The following SYT7 variants were observed in gnomAD, a reference collection of about 807,000 sequenced individuals.
SYT7 encodes synaptotagmin-7.
In SYT7, 29 loss-of-function variants were observed where a neutral mutation model predicts 75.1. The observed-to-expected ratio is 0.39, with a 90% confidence interval of 0.29 to 0.53. The LOEUF (loss-of-function observed/expected upper bound fraction) is 0.53, where lower values mean the gene tolerates loss of function less well. Among genes scored for constraint, SYT7 ranks in the 20% least tolerant of loss-of-function variants. The pLI is 0.77. For missense variants in SYT7, 693 were observed against 953.2 expected (o/e 0.73, Z 3.59); for synonymous variants, 376 against 401.7 (o/e 0.94, Z 0.76).
Position 61,523,235 on chromosome 11 carries a change from C to T in SYT7, c.1796G>A (p.Arg599Gln), listed in dbSNP as rs769497551. ...VKVWLMYKDKRVEKKKTVTMK... is the reference protein window; with the variant it reads ...VKVWLMYKDKQVEKKKTVTMK... The stretch of plus-strand genomic sequence containing the variant: ...CGTCACCGTCTTCTTCTTCTCCACC[C>T]GCTTGTCCTTGTACATCAGCCATAC... The change falls in exon 12 of 13, where the codon CGG becomes CAG. Residue 599 changes from arginine to glutamine, a missense_variant. Transcript: ENST00000539008. The surrounding 1 kb of genome is among the most constrained non-coding windows in gnomAD (Gnocchi z 5.0). 76 of 1,614,042 alleles carry T rather than the reference C, an allele frequency of 4.7e-5. No homozygotes were observed. The highest frequency in any genetic ancestry group is 1.6e-4 in the Middle Eastern group (1 of 6,084).
In SYT7 at chr11:61,514,221, G is replaced by T. The variant is rs2062105710; in HGVS notation, c.*4406C>A. On this transcript the variant is annotated 3_prime_UTR_variant, in exon 13 of 13. Coordinates refer to ENST00000539008, the MANE Select transcript of SYT7 (RefSeq NM_001365809.2). ...CTGACTTCAGGCTCAGTTTTCCAGG[G>T]CTGCTTTCATGGAGAGCGCCTGAAC... 6.6e-6 allele frequency among the ~76,000 whole-genome samples: 1 copy of T among 152,240 alleles called. No individual in the cohort carries two copies. The highest frequency in any genetic ancestry group is 6.5e-5 in the Admixed American group (1 of 15,288).
intron 12 of SYT7, among the ~76,000 whole-genome samples, chr11:61,520,599 C>T (rs993078909): frequency 6.6e-6 from 1 of 151,172 alleles, no homozygotes; most frequent in Non-Finnish European, 1.5e-5. Flanking sequence ...CCAAGGCGGG[C>T]GGATTGCTTG....
chr11:61,561,351 G>A (rs187055710), intron 1 of SYT7, among the ~76,000 whole-genome samples: 28 of 152,352 alleles, frequency 1.8e-4, no homozygotes, highest in African/African-American at 5.8e-4. Flanking sequence ...TCTTGGGAGT[G>A]AGGTATGAGC....
At chr11:61,568,253 A>G (rs1182967913) in intron 1 of SYT7, among the ~76,000 whole-genome samples, 1 of 152,196 alleles carries the variant, frequency 6.6e-6, no homozygotes, top group African/African-American at 2.4e-5. Flanking sequence ...GCTGCTTGAT[A>G]TGAACCTTAC....
intron 3 of SYT7, 65 bp from the exon 4 acceptor site, chr11:61,547,373 C>A (rs2063220511): frequency 2.0e-6 from 3 of 1,521,880 alleles, no homozygotes; most frequent in African/African-American, 1.4e-5. Flanking sequence ...ACTGCAAGTC[C>A]TGCGGGGGCA....
upstream of SYT7, among the ~76,000 whole-genome samples, chr11:61,582,514 CACACACAT>C (rs1357669269): frequency 6.6e-6 from 1 of 152,188 alleles, no homozygotes; most frequent in East Asian, 1.9e-4. Flanking sequence ...AACCACCACA[CACACACAT>C]ACACACATAC....
At position 61,533,698 on chromosome 11, in the gene SYT7, T is replaced by C. The variant is rs566391056; in HGVS notation, c.1065-574A>G. 1.1e-5 allele frequency: 11 copies of C among 983,404 alleles called. No individual in the cohort carries two copies. In the South Asian group the frequency reaches 1.4e-4, roughly 13 times the overall value. 60.9% of individuals were successfully genotyped at this position (983,404 alleles called of 1,614,324 possible). The stretch of plus-strand genomic sequence containing the variant: ...AGGACAACTCTCCACAGTGACAGAG[T>C]GTTCTGTATTTGTGCTGTCCAGTGG... On this transcript the variant is annotated intron_variant, in intron 7 of 12. Transcript: ENST00000539008.
intron 1 of SYT7, among the ~76,000 whole-genome samples, chr11:61,566,663 G>T (rs1485724912): frequency 6.6e-6 from 1 of 152,156 alleles, no homozygotes; most frequent in Non-Finnish European, 1.5e-5. Flanking sequence ...CTCTTCACCG[G>T]GAATGCGGAG....
intron 1 of SYT7, among the ~76,000 whole-genome samples, chr11:61,566,240 T>C (rs960625617): frequency 2.0e-5 from 3 of 152,244 alleles, no homozygotes; most frequent in Non-Finnish European, 2.9e-5. Flanking sequence ...TTGAATTTAA[T>C]GGAGGTGATG....
the SYT7 span, among the ~76,000 whole-genome samples, chr11:61,586,558 G>C: frequency 1.3e-5 from 2 of 152,222 alleles, no homozygotes; most frequent in Non-Finnish European, 2.9e-5. Context: ...TTGGACCCCT[G>C]TGAAAATCTA....
intron 7 of SYT7, chr11:61,533,665 G>C: frequency 2.0e-6 from 2 of 985,426 alleles, no homozygotes; most frequent in Non-Finnish European, 2.4e-6. Flanking sequence ...GACTGACCAG[G>C]TGAGGTCAGG....
chr11:61,524,071 A>C lies in SYT7; in HGVS notation c.1642-130T>G. The C allele has an allele frequency of 1.2e-6, 1 of 862,732 alleles. No individual in the cohort carries two copies. Among genetic ancestry groups the C allele is most frequent in the Non-Finnish European group, 1.8e-6 (1 of 540,634 alleles). The allele number at this position is 862,732 out of a possible 1,614,324, so 53.4% of individuals were successfully genotyped here. A position where few individuals can be genotyped will look rare whatever the true frequency, so the allele number is the denominator to read the frequency against. ...TGCCCCTGTCTGTCACCTCTGTCTCACTCTGTCTCCCCCCATCTGGCAGGT... is the reference window on the plus strand; with the variant it reads ...TGCCCCTGTCTGTCACCTCTGTCTCCCTCTGTCTCCCCCCATCTGGCAGGT... On this transcript the variant is annotated intron_variant, in intron 10 of 12. Coordinates refer to ENST00000539008, the MANE Select transcript of SYT7 (RefSeq NM_001365809.2). This position sits in a 1 kb window ranked among gnomAD's most constrained non-coding sequence, Gnocchi z 4.1.
chr11:61,557,465 G>A (rs558414351), intron 1 of SYT7, among the ~76,000 whole-genome samples: 2 of 152,232 alleles, frequency 1.3e-5, no homozygotes, highest in East Asian at 3.9e-4. Context: ...TCACCCTCAG[G>A]GATGACTCTC....
chr11:61,579,418 G>A (rs186896713), intron 1 of SYT7, among the ~76,000 whole-genome samples: 3 of 152,342 alleles, frequency 2.0e-5, no homozygotes, highest in East Asian at 3.9e-4. Context: ...AGAGAAGGGC[G>A]CAAGGTTCCA....
intron 1 of SYT7, among the ~76,000 whole-genome samples, chr11:61,557,301 G>C (rs1565198255): frequency 6.6e-6 from 1 of 152,246 alleles, no homozygotes; most frequent in Non-Finnish European, 1.5e-5. Context: ...ATTTACAGAG[G>C]AGCCTGCGTG....
Position 61,551,614 on chromosome 11 carries a change from G to T in SYT7, c.136-151C>A. 2.6e-6 allele frequency: 2 copies of T among 757,624 alleles called. No homozygotes were observed. The highest frequency in any genetic ancestry group is 2.5e-5 in the Admixed American group (1 of 40,118). 46.9% of individuals were successfully genotyped at this position (757,624 alleles called of 1,614,324 possible). A position where few individuals can be genotyped will look rare whatever the true frequency, so the allele number is the denominator to read the frequency against. On this transcript the variant is annotated intron_variant, in intron 2 of 12. Coordinates refer to ENST00000539008, the MANE Select transcript of SYT7 (RefSeq NM_001365809.2). The surrounding 1 kb of genome is among the most constrained non-coding windows in gnomAD (Gnocchi z 5.3). ...GTGTGCGAGGCTGTCACCGCGGTGG[G>T]GGCCAATCCCCTGGATGCCTGCTCC...
rs1015579897 is a variant in SYT7, at chr11:61,524,591, G to T, written c.1472-59C>A. ...GACAGAGGGGCTGCACGGGGCCCGG[G>T]AGGCAAGGAAGGCCCTGGGAAGAGG... On this transcript the variant is annotated intron_variant, in intron 9 of 12. Transcript: ENST00000539008. This position sits in a 1 kb window ranked among gnomAD's most constrained non-coding sequence, Gnocchi z 4.1. 3.5e-5 allele frequency: 53 copies of T among 1,507,338 alleles called. No homozygotes were observed. The Admixed American group carries it at 1.1e-3, about 32-fold the overall frequency. 93.4% of individuals were successfully genotyped at this position (1,507,338 alleles called of 1,614,324 possible). A position where few individuals can be genotyped will look rare whatever the true frequency, so the allele number is the denominator to read the frequency against.
Position 61,524,254 on chromosome 11 carries a change from C to T in SYT7, c.1641+109G>A. On this transcript the variant is annotated intron_variant, in intron 10 of 12. Coordinates refer to ENST00000539008, the MANE Select transcript of SYT7 (RefSeq NM_001365809.2). This position sits in a 1 kb window ranked among gnomAD's most constrained non-coding sequence, Gnocchi z 4.1. ...CTCCATCGGGTCCACCCATCTGCACCCTCTCCCACAGCCCTCCTGGCCTTC... is the reference window on the plus strand; with the variant it reads ...CTCCATCGGGTCCACCCATCTGCACTCTCTCCCACAGCCCTCCTGGCCTTC... The T allele has an allele frequency of 7.3e-7, 1 of 1,368,292 alleles. No homozygotes were observed. Among genetic ancestry groups the T allele is most frequent in the Non-Finnish European group, 9.9e-7 (1 of 1,005,046 alleles). The allele number at this position is 1,368,292 out of a possible 1,614,324, so 84.8% of individuals were successfully genotyped here.
In SYT7 at chr11:61,546,094, G is replaced by A. The variant is rs1029022446; in HGVS notation, c.509C>T (p.Ala170Val). 17 of 1,531,682 alleles carry A rather than the reference G, an allele frequency of 1.1e-5. No homozygotes were observed. The highest frequency in any genetic ancestry group is 3.9e-5 in the Admixed American group (2 of 50,778). 94.9% of individuals were successfully genotyped at this position (1,531,682 alleles called of 1,614,324 possible). Residue 170 changes from alanine to valine, a missense_variant, in exon 5 of 13, where the codon GCG (alanine) becomes GTG (valine). Around this residue, in one of 2 missense-constraint regions of SYT7, gnomAD observed 487 missense variants for 593.2 expected, o/e 0.82. Transcript: ENST00000539008. The surrounding 1 kb of genome is among the most constrained non-coding windows in gnomAD (Gnocchi z 7.6). ...CACCGTCCGCCAGCGGCCTCTCCCCGCCTTGCCACCGCTGCCCGGCTCGCT... is the reference window on the plus strand; with the variant it reads ...CACCGTCCGCCAGCGGCCTCTCCCCACCTTGCCACCGCTGCCCGGCTCGCT... ...APSEPGSGGK[A>V]GRGRWRTVQS...
Sources: gnomAD v4.1 joint callset for allele counts (sites outside exome capture counted in the v4.1 genomes callset) on GRCh38, gnomAD v4.1.1 for gene constraint, gnomAD v4.1.1 regional missense constraint, Gnocchi (gnomAD v3.1) non-coding constraint, MANE v1.5 for transcripts, NCBI Gene and HGNC (gene_info 2026-07-23, HGNC 2026-07-21) for gene names.